Variants in LUZP2 observed in about 807,000 individuals in gnomAD.
LUZP2 encodes the protein leucine zipper protein 2.
A neutral mutation model predicts 51.6 loss-of-function variants in LUZP2; 52 were observed. The observed-to-expected ratio is 1.01, with a 90% CI of 0.81 to 1.27. The LOEUF (loss-of-function observed/expected upper bound fraction) is 1.27. LUZP2 is among the 50% of genes most tolerant of loss of function. The pLI, the probability that LUZP2 is intolerant of heterozygous loss-of-function variation, is 0.00. For synonymous variants in LUZP2, 154 were observed against 137.3 expected (o/e 1.12, Z -0.85); for missense variants, 436 against 395.4 (o/e 1.10, Z -0.87).
At chr11:24,543,834 A>AG (rs1295906430) in intron 1 of LUZP2, among the ~76,000 whole-genome samples, 3 of 150,880 alleles carry the variant, frequency 2.0e-5, no homozygotes, top group African/African-American at 7.3e-5. Flanking sequence ...AAAAAAAAAA[A>AG]AAAAAAAAAA....
chr11:24,779,431 T>A (rs1163658575), intron 5 of LUZP2, among the ~76,000 whole-genome samples: 1 of 152,206 alleles, frequency 6.6e-6, no homozygotes, highest in African/African-American at 2.4e-5. Context: ...TTTGAGATAC[T>A]TAAATGCTAT....
intron 5 of LUZP2, among the ~76,000 whole-genome samples, chr11:24,836,709 C>A (rs961964276): frequency 2.0e-5 from 3 of 151,482 alleles, no homozygotes; most frequent in African/African-American, 7.3e-5. Flanking sequence ...GGTTATGAAG[C>A]CACACACACA....
intron 3 of LUZP2, among the ~76,000 whole-genome samples, chr11:24,737,957 T>C (rs1247415301): frequency 1.3e-5 from 2 of 152,100 alleles, no homozygotes; most frequent in Admixed American, 6.6e-5. Flanking sequence ...GCCTCACAGA[T>C]GATTCAAACG....
chr11:25,069,262 T>G (rs1229279851), intron 10 of LUZP2, among the ~76,000 whole-genome samples: 1 of 151,944 alleles, frequency 6.6e-6, no homozygotes, highest in Non-Finnish European at 1.5e-5. Flanking sequence ...AGACTTTGCC[T>G]CAGTTGCAAC....
chr11:24,662,186 G>C (rs1351040555), intron 1 of LUZP2, among the ~76,000 whole-genome samples: 1 of 152,036 alleles, frequency 6.6e-6, no homozygotes, highest in Admixed American at 6.6e-5. Flanking sequence ...TAAACAAGGA[G>C]TTAGTAAGCA....
chr11:24,798,472 C>T (rs941758858), intron 5 of LUZP2, among the ~76,000 whole-genome samples: 2 of 152,182 alleles, frequency 1.3e-5, no homozygotes, highest in Non-Finnish European at 2.9e-5. Flanking sequence ...TTTGGGATTA[C>T]AGGCGTGAGC....
chr11:24,684,403 G>A (rs1264027047), intron 1 of LUZP2, among the ~76,000 whole-genome samples: 2 of 152,110 alleles, frequency 1.3e-5, no homozygotes, highest in Non-Finnish European at 1.5e-5. Context: ...TTTCTCCCAA[G>A]CTCTTTCATG....
intron 1 of LUZP2, among the ~76,000 whole-genome samples, chr11:24,703,227 A>C (rs904375857): frequency 3.3e-5 from 5 of 152,194 alleles, no homozygotes; most frequent in Admixed American, 3.3e-4. Flanking sequence ...GTATCAGTTA[A>C]TAAGCTTGTA....
chr11:24,560,162 G>T (rs992913286), intron 1 of LUZP2, among the ~76,000 whole-genome samples: 2 of 152,118 alleles, frequency 1.3e-5, no homozygotes, highest in African/African-American at 4.8e-5. Flanking sequence ...GACTACATAA[G>T]AGAAGCTCTT....
At chr11:24,823,714 A>G (rs1267472097) in intron 5 of LUZP2, among the ~76,000 whole-genome samples, 2 of 152,152 alleles carry the variant, frequency 1.3e-5, no homozygotes, top group East Asian at 1.9e-4. Context: ...TAATGCAGAT[A>G]TTGAAGGGAT....
rs190164464 is a variant in LUZP2, at chr11:24,742,874, A to G, written c.333+4572A>G. ...TCTATCTTGAGTTGATTTTTGTATA[A>G]GGTGAGAGATGAAGATTATTTCATT... On this transcript the variant is annotated intron_variant, in intron 4 of 11. Transcript: ENST00000336930. Among the ~76,000 whole-genome samples the G allele has an allele frequency of 1.4e-4, 21 of 152,186 alleles. No individual in the cohort carries two copies. The East Asian group carries it at 3.9e-3, about 28-fold the overall frequency.
In LUZP2 at chr11:24,663,297, T is replaced by C. The variant is rs969143681; in HGVS notation, c.63-65872T>C. 2.0e-5 allele frequency among the ~76,000 whole-genome samples: 3 copies of C among 152,214 alleles called. No individual in the cohort carries two copies. In the East Asian group the frequency reaches 5.8e-4, roughly 30 times the overall value. Reference sequence around the variant, plus strand: ...GATCTGATGGTTTAAAAGTTGTTTGTGGCACTTCCCCTTTGTTCTCTCTTT... The same window carrying C: ...GATCTGATGGTTTAAAAGTTGTTTGCGGCACTTCCCCTTTGTTCTCTCTTT... On this transcript the variant is annotated intron_variant, in intron 1 of 11. Coordinates refer to ENST00000336930, the MANE Select transcript of LUZP2 (RefSeq NM_001009909.4).
intron 5 of LUZP2, among the ~76,000 whole-genome samples, chr11:24,814,111 T>C (rs1264822358): frequency 1.3e-5 from 2 of 152,240 alleles, no homozygotes; most frequent in South Asian, 2.1e-4. Flanking sequence ...AACTTGCTTA[T>C]TTATTTTCTG....
intron 5 of LUZP2, among the ~76,000 whole-genome samples, chr11:24,838,748 A>C (rs559327517): frequency 4.2e-4 from 64 of 151,842 alleles, no homozygotes; most frequent in African/African-American, 1.5e-3. Flanking sequence ...ATGAGATAGC[A>C]TATAAGGGAA....
At chr11:24,959,219 G>T (rs1470835737) in intron 7 of LUZP2, among the ~76,000 whole-genome samples, 1 of 152,092 alleles carries the variant, frequency 6.6e-6, no homozygotes, top group East Asian at 1.9e-4. Flanking sequence ...TTTGGCTTAG[G>T]ATTGACTTGG....
At chr11:24,866,546 G>A (rs1851902568) in intron 5 of LUZP2, among the ~76,000 whole-genome samples, 1 of 151,376 alleles carries the variant, frequency 6.6e-6, no homozygotes, top group Non-Finnish European at 1.5e-5. Context: ...TTGTAAAATA[G>A]CAATCCCATT....
chr11:24,846,351 T>G (rs1303954556), intron 5 of LUZP2, among the ~76,000 whole-genome samples: 2 of 150,108 alleles, frequency 1.3e-5, no homozygotes, highest in Non-Finnish European at 3.0e-5. Flanking sequence ...AAGAAGAAAA[T>G]AAGAAACAGA....
intron 5 of LUZP2, among the ~76,000 whole-genome samples, chr11:24,837,537 A>AT (rs1850896644): frequency 6.6e-6 from 1 of 151,776 alleles, no homozygotes; most frequent in Non-Finnish European, 1.5e-5. Flanking sequence ...ACTGTTCTGC[A>AT]TTTTTAAAAT....
chr11:24,625,783 C>T (rs1410223448), intron 1 of LUZP2, among the ~76,000 whole-genome samples: 1 of 151,418 alleles, frequency 6.6e-6, no homozygotes, highest in Non-Finnish European at 1.5e-5. Flanking sequence ...AATAACTAGA[C>T]CCACAAAAGG....
Sources: gnomAD v4.1 joint callset for allele counts (sites outside exome capture counted in the v4.1 genomes callset) on GRCh38, gnomAD v4.1.1 for gene constraint, MANE v1.5 for transcripts, NCBI Gene and HGNC (gene_info 2026-07-23, HGNC 2026-07-21) for gene names.